AKAP9: variants seen among roughly 807,000 people sequenced by gnomAD.
The protein encoded by AKAP9 is A-kinase anchor protein 9.
In AKAP9, 311 loss-of-function variants were observed where a neutral mutation model predicts 488.5. That is an observed-to-expected ratio of 0.64 (90% CI 0.58 to 0.70). The LOEUF (loss-of-function observed/expected upper bound fraction) is 0.70. Ranked by LOEUF, AKAP9 falls within the 30% of genes least tolerant of loss-of-function variation. The pLI is 0.00. For synonymous variants in AKAP9, 1,462 were observed against 1,483.5 expected, an observed-to-expected ratio of 0.99 and a Z score of 0.33; for missense variants, 4,215 against 4,374.5, an observed-to-expected ratio of 0.96 and a Z score of 1.03.
chr7:92,089,562 A>G (rs750480311), intron 38 of AKAP9, 33 bp downstream of exon 38: 2 of 1,603,858 alleles, frequency 1.2e-6, no homozygotes, highest in South Asian at 1.1e-5. Context: ...ATGGTTACAC[A>G]AACAGGTGAA....
intron 24 of AKAP9, among the ~76,000 whole-genome samples, 181 bp from the exon 25 acceptor site, chr7:92,065,050 T>G (rs1333157703): frequency 6.6e-6 from 1 of 152,040 alleles, no homozygotes; most frequent in African/African-American, 2.4e-5. Flanking sequence ...GCTTGTTTAC[T>G]TATATAGAAA....
intron 8 of AKAP9, among the ~76,000 whole-genome samples, chr7:92,008,411 G>A (rs562189930): frequency 6.6e-6 from 1 of 152,046 alleles, no homozygotes; most frequent in East Asian, 1.9e-4. Flanking sequence ...TGGGCCAGCG[G>A]GCGTGGTGGC....
intron 3 of AKAP9, among the ~76,000 whole-genome samples, chr7:91,983,826 C>T (rs1796736973): frequency 6.6e-6 from 1 of 152,174 alleles, no homozygotes; most frequent in African/African-American, 2.4e-5. Context: ...AAATGATCGC[C>T]ATTCTAACTT....
At chr7:92,022,580 T>A (rs541225720) in intron 13 of AKAP9, among the ~76,000 whole-genome samples, 13 of 152,208 alleles carry the variant, frequency 8.5e-5, no homozygotes, top group African/African-American at 2.9e-4. Flanking sequence ...TTTAAAGATA[T>A]AAAATTTTGG....
intron 3 of AKAP9, among the ~76,000 whole-genome samples, chr7:91,986,217 A>G (rs1286978308): frequency 6.6e-6 from 1 of 152,154 alleles, no homozygotes; most frequent in Non-Finnish European, 1.5e-5. Flanking sequence ...CACGGGAGAG[A>G]ATCTCCTGGT....
chr7:92,030,974 T>C (rs1451173975), intron 15 of AKAP9, among the ~76,000 whole-genome samples: 1 of 152,244 alleles, frequency 6.6e-6, no homozygotes, highest in African/African-American at 2.4e-5. Context: ...TCCTTGATTC[T>C]GCTATACTCA....
chr7:92,038,033 CTG>C (rs561661517), intron 16 of AKAP9, among the ~76,000 whole-genome samples: 9 of 152,204 alleles, frequency 5.9e-5, no homozygotes, highest in Admixed American at 2.0e-4. Flanking sequence ...AAAATTATAT[CTG>C]TATCTATTCA....
intron 33 of AKAP9, 46 bp downstream of exon 33, chr7:92,083,701 T>TA (rs1397389364): frequency 6.4e-6 from 10 of 1,563,708 alleles, no homozygotes; most frequent in African/African-American, 4.6e-5. Flanking sequence ...GTGTGGTTTT[T>TA]TAAAAAAAAA....
Position 92,067,558 on chromosome 7 carries a change from T to C in AKAP9, c.6330+1012T>C, listed in dbSNP as rs193129961. ...ATCTTCCTAAATCCCACTTGTCACT[T>C]GTTTGCCTGGATCACTGTGGTAGCC... On this transcript the variant is annotated intron_variant, in intron 26 of 49. Coordinates refer to ENST00000356239, the MANE Select transcript of AKAP9 (RefSeq NM_005751.5). Among the ~76,000 whole-genome samples, 32 of 152,340 alleles carry C rather than the reference T, an allele frequency of 2.1e-4. 1 individual carries two copies. The highest frequency in any genetic ancestry group is 1.4e-3 in the Admixed American group (21 of 15,302).
At position 92,042,831 on chromosome 7, in the gene AKAP9, T is replaced by C. The variant is rs56781136; in HGVS notation, c.5162+60T>C. On this transcript the variant is annotated intron_variant, in intron 20 of 49. Transcript: ENST00000356239. ...AATTAAAATGGTTGTTTCAATGTAA[T>C]AGACTTTGTCCTTATTTTTATCTTG... The C allele has an allele frequency of 9.5e-3, 10,967 of 1,159,006 alleles. 474 individuals carry two copies. In the African/African-American group the frequency reaches 0.12, roughly 12 times the overall value. 71.8% of individuals were successfully genotyped at this position (1,159,006 alleles called of 1,614,324 possible).
In AKAP9 at chr7:92,001,301, G is replaced by A; in HGVS notation, c.1384G>A (p.Glu462Lys). ...AAGACAACACATGGCACAGATGGAG[G>A]AAATGAAAACACGGCATAAGGGAGA... is the stretch of plus-strand genomic sequence containing the variant. Reference protein sequence around the residue: ...LIRQHMAQMEEMKTRHKGEME... With the variant: ...LIRQHMAQMEKMKTRHKGEME... The change falls in exon 8 of 50, where the codon GAA becomes AAA. Residue 462 changes from glutamate to lysine, a missense_variant. Physicochemically the swap from Glu to Lys is moderately conservative, Grantham distance 56. Coordinates refer to ENST00000356239, the MANE Select transcript of AKAP9 (RefSeq NM_005751.5). 6.2e-7 allele frequency: 1 copy of A among 1,613,946 alleles called. No individual in the cohort carries two copies. The highest frequency in any genetic ancestry group is 2.2e-5 in the East Asian group (1 of 44,874).
At chr7:92,035,557 T>C (rs1196804904) in intron 16 of AKAP9, among the ~76,000 whole-genome samples, 1 of 152,240 alleles carries the variant, frequency 6.6e-6, no homozygotes, top group Non-Finnish European at 1.5e-5. Flanking sequence ...TTTTGAATTG[T>C]ATATTAAATG....
intron 16 of AKAP9, among the ~76,000 whole-genome samples, chr7:92,038,073 A>T (rs534037388): frequency 2.4e-4 from 37 of 152,204 alleles, no homozygotes; most frequent in Non-Finnish European, 4.6e-4. Flanking sequence ...AAGAATAAGA[A>T]GATTTGGGAA....
intron 39 of AKAP9, among the ~76,000 whole-genome samples, chr7:92,094,390 G>A (rs185949890): frequency 1.9e-3 from 292 of 151,690 alleles, no homozygotes; most frequent in African/African-American, 6.6e-3. Flanking sequence ...AAAATTAGCC[G>A]GGCATGCTGG....
At chr7:92,065,198 A>T (rs1440857207) in intron 24 of AKAP9, 33 bp from the exon 25 acceptor site, 5 of 1,377,184 alleles carry the variant, frequency 3.6e-6, no homozygotes, top group Non-Finnish European at 5.1e-6. Context: ...ATTAATTGTG[A>T]TTTAATTCAG....
Position 92,081,627 on chromosome 7 carries a change from G to A in AKAP9, c.8020-895G>A, listed in dbSNP as rs376606301. Among the ~76,000 whole-genome samples the A allele has an allele frequency of 2.6e-5, 4 of 151,562 alleles. 1 individual carries two copies. On this transcript the variant is annotated intron_variant, in intron 31 of 49. Transcript: ENST00000356239. ...ATTACAGGTGTTAGCCACTGCGCCTGGCCAGCTTTTACAAATTTTATACCT... is the reference window on the plus strand; with the variant it reads ...ATTACAGGTGTTAGCCACTGCGCCTAGCCAGCTTTTACAAATTTTATACCT...
In AKAP9 at chr7:91,955,040, A is replaced by G. The variant is rs140296513; in HGVS notation, c.48+13893A>G. ...TGTAGATTGATATGATTATTGTATG[A>G]CACACTCATTTTAGAATCCTTTATA... On this transcript the variant is annotated intron_variant, in intron 1 of 49. Coordinates refer to ENST00000356239, the MANE Select transcript of AKAP9 (RefSeq NM_005751.5). 1.6e-3 allele frequency among the ~76,000 whole-genome samples: 237 copies of G among 152,314 alleles called. 3 individuals carry two copies. The East Asian group carries it at 0.022, about 14-fold the overall frequency.
In AKAP9 at chr7:92,001,130, CAGAAG is replaced by C; in HGVS notation, c.1218_1222del (p.Arg407SerfsTer2). The stretch of plus-strand genomic sequence containing the variant: ...GTTAATGGGGACAGTCGAAGAACTT[CAGAAG>C]AGAAATCATAAAGACAGCCAGTTCG... On this transcript the variant is annotated frameshift_variant, in exon 8 of 50. Transcript: ENST00000356239. LOFTEE classifies it high-confidence loss of function. 1.2e-6 allele frequency: 2 copies of C among 1,613,900 alleles called. No individual in the cohort carries two copies. Among genetic ancestry groups the C allele is most frequent in the Non-Finnish European group, 1.7e-6 (2 of 1,179,942 alleles).
intron 46 of AKAP9, 144 bp downstream of exon 46, chr7:92,102,970 T>C (rs1052975738): frequency 1.4e-5 from 11 of 790,954 alleles, no homozygotes; most frequent in Non-Finnish European, 2.2e-5. Flanking sequence ...TGTCTGCTTT[T>C]TTTTTCTAGG....
Sources: allele counts gnomAD v4.1 joint callset (sites outside exome capture counted in the v4.1 genomes callset), GRCh38; gene constraint gnomAD v4.1.1; transcripts MANE v1.5; gene names NCBI Gene and HGNC (gene_info 2026-07-23, HGNC 2026-07-21).